Variants in CARMIL1 observed in about 807,000 individuals in gnomAD.
The protein encoded by CARMIL1 is capping protein regulator and myosin 1 linker 1.
CARMIL1 carries 90 observed loss-of-function variants against 177.1 expected under a neutral mutation model. The observed-to-expected ratio is 0.51, with a 90% CI of 0.43 to 0.61. CARMIL1 has a LOEUF of 0.61. CARMIL1 is among the 20% of genes least tolerant of loss of function. The pLI is 0.00. For missense variants in CARMIL1, 1,380 were observed against 1,667.0 expected (o/e 0.83, Z 3.00); for synonymous variants, 577 against 606.2 (o/e 0.95, Z 0.71).
At chr6:25,348,306 A>G (rs1412305187) in intron 2 of CARMIL1, among the ~76,000 whole-genome samples, 1 of 151,502 alleles carries the variant, frequency 6.6e-6, no homozygotes, top group African/African-American at 2.4e-5. Context: ...CTAATTTTGT[A>G]TTTTTAGTAG....
chr6:25,496,647 A>G (rs1010609953), intron 16 of CARMIL1, among the ~76,000 whole-genome samples: 3 of 152,202 alleles, frequency 2.0e-5, no homozygotes, highest in Non-Finnish European at 4.4e-5. Flanking sequence ...TAAGAAAGCT[A>G]TCAGAATTGT....
At chr6:25,433,160 T>G (rs1796959534) in intron 4 of CARMIL1, 1 of 151,898 alleles carries the variant, frequency 6.6e-6, no homozygotes, top group Admixed American at 6.5e-5. Context: ...CTTGTAAGGT[T>G]GAATTGAAGG....
intron 2 of CARMIL1, among the ~76,000 whole-genome samples, chr6:25,339,485 A>T (rs531912533): frequency 6.6e-6 from 1 of 152,168 alleles, no homozygotes; most frequent in African/African-American, 2.4e-5. Context: ...TTTGATTCCT[A>T]TCATGGGGTC....
chr6:25,353,239 A>C (rs1303703328), intron 2 of CARMIL1, among the ~76,000 whole-genome samples: 1 of 152,220 alleles, frequency 6.6e-6, no homozygotes. Context: ...ACTGTGTGCT[A>C]GATGCTCTTG....
intron 2 of CARMIL1, among the ~76,000 whole-genome samples, chr6:25,285,323 A>G (rs2744286): frequency 0.05 from 7,555 of 152,264 alleles, 589 homozygotes; most frequent in African/African-American, 0.16. Flanking sequence ...AGATTTTCTC[A>G]GATGTTATAT....
chr6:25,524,820 AAC>A, intron 23 of CARMIL1, among the ~76,000 whole-genome samples: 1 of 152,298 alleles, frequency 6.6e-6, no homozygotes, highest in East Asian at 1.9e-4. Context: ...AGAGATAAGA[AAC>A]CTGTAACAGA....
chr6:25,360,538 T>A (rs1403076287), intron 2 of CARMIL1, among the ~76,000 whole-genome samples: 2 of 152,228 alleles, frequency 1.3e-5, no homozygotes, highest in African/African-American at 4.8e-5. Flanking sequence ...TCAAATTCAG[T>A]TCAACTACCA....
chr6:25,302,962 G>A (rs1254126892), intron 2 of CARMIL1, among the ~76,000 whole-genome samples: 1 of 152,128 alleles, frequency 6.6e-6, no homozygotes, highest in African/African-American at 2.4e-5. Context: ...CACTGTCTCA[G>A]GAATGTGAAT....
intron 1 of CARMIL1, among the ~76,000 whole-genome samples, chr6:25,281,136 G>GCGCGCACACACACA (rs10642536): frequency 0.015 from 1,998 of 132,082 alleles, 16 homozygotes; most frequent in Non-Finnish European, 0.018. Flanking sequence ...GTGCGCGCGC[G>GCGCGCACACACACA]CACACACACA....
chr6:25,338,155 G>A (rs987822007), intron 2 of CARMIL1, among the ~76,000 whole-genome samples: 2 of 152,102 alleles, frequency 1.3e-5, no homozygotes, highest in African/African-American at 4.8e-5. Flanking sequence ...TACTCGAGAG[G>A]CTGAGTCAGG....
intron 2 of CARMIL1, among the ~76,000 whole-genome samples, chr6:25,414,160 A>T (rs923430375): frequency 2.0e-5 from 3 of 152,158 alleles, no homozygotes; most frequent in Non-Finnish European, 4.4e-5. Context: ...TGTATGAGGC[A>T]CCTCAGTTTG....
intron 2 of CARMIL1, among the ~76,000 whole-genome samples, chr6:25,297,909 A>G (rs1456171976): frequency 1.3e-5 from 2 of 152,152 alleles, no homozygotes; most frequent in African/African-American, 2.4e-5. Flanking sequence ...AAATTCAGGA[A>G]TGGCTTCTTT....
At chr6:25,338,090 C>G (rs1242132676) in intron 2 of CARMIL1, among the ~76,000 whole-genome samples, 1 of 151,958 alleles carries the variant, frequency 6.6e-6, no homozygotes, top group Admixed American at 6.6e-5. Context: ...AACCCCGTCT[C>G]TACCGAAAAT....
chr6:25,535,450 A>T (rs952820315), intron 24 of CARMIL1, among the ~76,000 whole-genome samples: 1 of 152,172 alleles, frequency 6.6e-6, no homozygotes, highest in African/African-American at 2.4e-5. Flanking sequence ...GGAAGGGTGT[A>T]AGAAGACAGA....
intron 2 of CARMIL1, among the ~76,000 whole-genome samples, chr6:25,348,606 AC>A (rs2150350634): frequency 6.6e-6 from 1 of 150,410 alleles, no homozygotes; most frequent in East Asian, 2.0e-4. Context: ...ACATGGTGAA[AC>A]CCCATCTCTA....
At position 25,430,222 on chromosome 6, in the gene CARMIL1, C is replaced by CTTT. The variant is rs34183473; in HGVS notation, c.249+3675_249+3677dup. 7.6e-4 allele frequency among the ~76,000 whole-genome samples: 106 copies of CTTT among 138,762 alleles called. 1 individual carries two copies. In the East Asian group the frequency reaches 0.01, roughly 14 times the overall value. 91.0% of individuals were successfully genotyped at this position (138,762 alleles called of 152,430 possible). A position where few individuals can be genotyped will look rare whatever the true frequency, so the allele number is the denominator to read the frequency against. On this transcript the variant is annotated intron_variant, in intron 4 of 36. Coordinates refer to ENST00000329474, the MANE Select transcript of CARMIL1 (RefSeq NM_017640.6). Reference sequence around the variant, plus strand: ...ATGTTTGTGGGAGTTATTGGTTTGTCTTTTTTTTTTTTTTTAACATTTTTG... The same window carrying CTTT: ...ATGTTTGTGGGAGTTATTGGTTTGTCTTTTTTTTTTTTTTTTTTAACATTTTTG...
intron 17 of CARMIL1, among the ~76,000 whole-genome samples, chr6:25,507,666 G>C (rs1434234313): frequency 2.0e-5 from 3 of 152,138 alleles, no homozygotes; most frequent in African/African-American, 7.2e-5. Flanking sequence ...TATTTTTACT[G>C]TACTTTACAA....
chr6:25,539,354 T>A (rs182903032), intron 25 of CARMIL1, among the ~76,000 whole-genome samples: 2 of 151,964 alleles, frequency 1.3e-5, no homozygotes, highest in African/African-American at 4.8e-5. Flanking sequence ...ACCCATTTAG[T>A]GTATGCAGAG....
chr6:25,403,949 A>G (rs1291984281), intron 2 of CARMIL1, among the ~76,000 whole-genome samples: 1 of 152,096 alleles, frequency 6.6e-6, no homozygotes, highest in Admixed American at 6.5e-5. Context: ...TGCCTACCAC[A>G]AGGTAGGCAG....
Sources: allele counts gnomAD v4.1 joint callset (sites outside exome capture counted in the v4.1 genomes callset), GRCh38; gene constraint gnomAD v4.1.1; transcripts MANE v1.5; gene names NCBI Gene and HGNC (gene_info 2026-07-23, HGNC 2026-07-21).